The following C1orf87 variants were observed in gnomAD, a reference collection of about 807,000 sequenced individuals.
C1orf87 encodes uncharacterized protein C1orf87.
C1orf87 carries 58 observed loss-of-function variants against 60.5 expected under a neutral mutation model. The observed-to-expected ratio is 0.96, with a 90% confidence interval of 0.78 to 1.19. The LOEUF (loss-of-function observed/expected upper bound fraction) is 1.19, where lower values mean the gene tolerates loss of function less well. Among genes scored for constraint, C1orf87 ranks in the 50% most tolerant of loss-of-function variants. The pLI is 0.00. For synonymous variants in C1orf87, 236 were observed against 227.4 expected, an observed-to-expected ratio of 1.04 and a Z score of -0.34; for missense variants, 673 against 638.6, an observed-to-expected ratio of 1.05 and a Z score of -0.58.
chr1:60,061,756 T>A (rs1574328368), intron 2 of C1orf87, among the ~76,000 whole-genome samples: 1 of 113,216 alleles, frequency 8.8e-6, no homozygotes, highest in Non-Finnish European at 1.7e-5. Context: ...CTGGACAACA[T>A]GGCCAAACCC....
intron 11 of C1orf87, among the ~76,000 whole-genome samples, chr1:59,997,059 AT>A (rs1042179212): frequency 6.6e-6 from 1 of 152,120 alleles, no homozygotes; most frequent in African/African-American, 2.4e-5. Context: ...TTAGGTATTG[AT>A]TAGCCAGGGG....
intron 7 of C1orf87, among the ~76,000 whole-genome samples, chr1:60,031,999 CACACAT>C (rs1384185682): frequency 4.0e-5 from 6 of 148,678 alleles, no homozygotes; most frequent in African/African-American, 1.5e-4. Context: ...CACACACACA[CACACAT>C]ACACACACAC....
chr1:60,061,361 C>A (rs1268035961), intron 2 of C1orf87, among the ~76,000 whole-genome samples: 1 of 151,866 alleles, frequency 6.6e-6, no homozygotes, highest in Non-Finnish European at 1.5e-5. Flanking sequence ...TGTAATCAAC[C>A]TTTCTAATCT....
chr1:59,993,909 C>T (rs1359463238), intron 11 of C1orf87, among the ~76,000 whole-genome samples: 1 of 151,980 alleles, frequency 6.6e-6, no homozygotes, highest in Admixed American at 6.5e-5. Context: ...CAGGTGCCTG[C>T]CACCACAGCC....
chr1:60,016,679 A>T (rs1400251082), intron 8 of C1orf87, among the ~76,000 whole-genome samples: 1 of 152,200 alleles, frequency 6.6e-6, no homozygotes, highest in Non-Finnish European at 1.5e-5. Flanking sequence ...GTTTCTCCAT[A>T]GATGGGGGCT....
chr1:60,056,217 C>T (rs112697092), intron 2 of C1orf87, among the ~76,000 whole-genome samples: 23 of 152,180 alleles, frequency 1.5e-4, no homozygotes, highest in Middle Eastern at 6.8e-3. Flanking sequence ...AGACTCCAGC[C>T]TGGGTGACAC....
intron 5 of C1orf87, among the ~76,000 whole-genome samples, chr1:60,038,373 C>T (rs980416232): frequency 5.9e-5 from 9 of 151,946 alleles, no homozygotes; most frequent in South Asian, 2.1e-4. Flanking sequence ...TAACCAGAAC[C>T]GAGACCCTGT....
At chr1:60,012,867 A>G (rs1196949403) in intron 8 of C1orf87, among the ~76,000 whole-genome samples, 1 of 152,170 alleles carries the variant, frequency 6.6e-6, no homozygotes, top group Admixed American at 6.6e-5. Context: ...CTGACTCCAA[A>G]TCTATTCGAA....
At position 60,025,512 on chromosome 1, in the gene C1orf87, A is replaced by G; in HGVS notation, c.1030-14T>C. ...TATAGCCCTGACCTACAAGTTAAAA[A>G]AAAATAAAAAAGATTTGATGTTTCA... On this transcript the variant is annotated splice_polypyrimidine_tract_variant and intron_variant, in intron 7 of 11. Coordinates refer to ENST00000371201, the MANE Select transcript of C1orf87 (RefSeq NM_152377.3). 6.4e-7 allele frequency: 1 copy of G among 1,558,776 alleles called. No individual in the cohort carries two copies. Among genetic ancestry groups the G allele is most frequent in the Non-Finnish European group, 8.7e-7 (1 of 1,152,470 alleles).
intron 8 of C1orf87, among the ~76,000 whole-genome samples, chr1:60,020,796 G>C (rs1376525012): frequency 6.6e-6 from 1 of 152,170 alleles, no homozygotes; most frequent in Admixed American, 6.5e-5. Flanking sequence ...GGGACTGTTG[G>C]GAAGGCATGA....
intron 11 of C1orf87, among the ~76,000 whole-genome samples, chr1:59,997,278 T>C (rs2100236168): frequency 6.6e-6 from 1 of 152,244 alleles, no homozygotes; most frequent in Middle Eastern, 3.4e-3. Flanking sequence ...GACCAGATTT[T>C]GCCTTGCTAA....
At chr1:60,012,761 T>C (rs1430668756) in intron 8 of C1orf87, among the ~76,000 whole-genome samples, 1 of 152,124 alleles carries the variant, frequency 6.6e-6, no homozygotes, top group African/African-American at 2.4e-5. Flanking sequence ...GTACTTTTTG[T>C]GCATTATCTC....
chr1:59,997,435 G>A (rs995301457), intron 11 of C1orf87, among the ~76,000 whole-genome samples, 174 bp downstream of exon 11: 3 of 152,150 alleles, frequency 2.0e-5, no homozygotes, highest in Non-Finnish European at 4.4e-5. Flanking sequence ...AATCTGGTAT[G>A]GGATTCCTGT....
intron 10 of C1orf87, 71 bp from the exon 11 acceptor site, chr1:59,997,887 G>A (rs1644974538): frequency 6.9e-7 from 1 of 1,440,796 alleles, no homozygotes; most frequent in Middle Eastern, 2.4e-4. Flanking sequence ...GGCCAAAGAT[G>A]AGGCCACACA....
intron 7 of C1orf87, among the ~76,000 whole-genome samples, chr1:60,025,985 T>C (rs1367994653): frequency 1.3e-5 from 2 of 152,204 alleles, no homozygotes; most frequent in East Asian, 1.9e-4. Flanking sequence ...ACATAGCTAA[T>C]AAGTTATGGA....
chr1:60,003,343 G>GA (rs1645020714), intron 9 of C1orf87, among the ~76,000 whole-genome samples: 1 of 110,750 alleles, frequency 9.0e-6, no homozygotes, highest in Non-Finnish European at 1.7e-5. Flanking sequence ...AGGGGGGAGG[G>GA]ATAGCATCAG....
intron 7 of C1orf87, among the ~76,000 whole-genome samples, chr1:60,029,637 G>GTT (rs34501342): frequency 0.22 from 21,424 of 95,654 alleles, 3,225 homozygotes; most frequent in Admixed American, 0.27. Flanking sequence ...GTCCCCCCAA[G>GTT]TTTTTTTTTT....
intron 7 of C1orf87, among the ~76,000 whole-genome samples, chr1:60,025,850 T>A (rs1030000655): frequency 6.6e-6 from 1 of 152,214 alleles, no homozygotes; most frequent in Non-Finnish European, 1.5e-5. Context: ...GGTAAATTGC[T>A]AAATGTTTTT....
chr1:60,009,083 G>A (rs1413501524), intron 9 of C1orf87, among the ~76,000 whole-genome samples: 1 of 152,072 alleles, frequency 6.6e-6, no homozygotes. Context: ...ACTGGTACCT[G>A]TGAATCTGAG....
Sources: gnomAD v4.1 joint callset for allele counts (sites outside exome capture counted in the v4.1 genomes callset) on GRCh38, gnomAD v4.1.1 for gene constraint, MANE v1.5 for transcripts, NCBI Gene and HGNC (gene_info 2026-07-23, HGNC 2026-07-21) for gene names.